The following FOCAD variants were observed in gnomAD, a reference collection of about 807,000 sequenced individuals.
The protein encoded by FOCAD is focadhesin, also known as KIAA1797.
FOCAD carries 198 observed loss-of-function variants against 225.6 expected under a neutral mutation model. That is an observed-to-expected ratio of 0.88 (90% confidence interval 0.78 to 0.99). The LOEUF (loss-of-function observed/expected upper bound fraction) is 0.99. Ranked by LOEUF, FOCAD falls within the 50% of genes least tolerant of loss-of-function variation. FOCAD has a pLI of 0.00. For missense variants in FOCAD, 2,713 were observed against 2,123.6 expected, an observed-to-expected ratio of 1.28 and a Z score of -5.46; for synonymous variants, 897 against 755.0, an observed-to-expected ratio of 1.19 and a Z score of -3.08.
intron 4 of FOCAD, among the ~76,000 whole-genome samples, chr9:20,732,911 G>C (rs1826835218): frequency 6.6e-6 from 1 of 152,176 alleles, no homozygotes; most frequent in Non-Finnish European, 1.5e-5. Flanking sequence ...AGAAGACCAG[G>C]TGTGTCGGGG....
intron 41 of FOCAD, among the ~76,000 whole-genome samples, chr9:20,989,684 A>G (rs148024787): frequency 1.3e-3 from 205 of 152,338 alleles, no homozygotes; most frequent in African/African-American, 4.8e-3. Flanking sequence ...ATGAAGAAAG[A>G]CTTGCTCAAA....
At chr9:20,917,976 T>C (rs1834012491) in intron 24 of FOCAD, among the ~76,000 whole-genome samples, 1 of 152,180 alleles carries the variant, frequency 6.6e-6, no homozygotes, top group African/African-American at 2.4e-5. Flanking sequence ...CACTGGGAAA[T>C]ATCTGTTGAT....
Position 20,735,262 on chromosome 9 carries a change from T to C in FOCAD, c.288-4974T>C, listed in dbSNP as rs557334190. Among the ~76,000 whole-genome samples the C allele has an allele frequency of 3.3e-5, 5 of 152,346 alleles. No individual in the cohort carries two copies. The South Asian group carries it at 1.0e-3, about 32-fold the overall frequency. Reference sequence around the variant, plus strand: ...TTTGTTTTCACTCTGCTAAAAACTTTCCCTACCAACTTTGCTGAAACTATC... The same window carrying C: ...TTTGTTTTCACTCTGCTAAAAACTTCCCCTACCAACTTTGCTGAAACTATC... On this transcript the variant is annotated intron_variant, in intron 4 of 43. Transcript: ENST00000338382.
intron 43 of FOCAD, among the ~76,000 whole-genome samples, chr9:20,994,228 G>A (rs1030365516): frequency 6.6e-6 from 1 of 152,096 alleles, no homozygotes; most frequent in East Asian, 1.9e-4. Context: ...CTTCTCTACC[G>A]ACTTTGTTAA....
intron 1 of FOCAD, among the ~76,000 whole-genome samples, chr9:20,688,211 A>T (rs1445265087): frequency 3.3e-5 from 5 of 152,202 alleles, no homozygotes; most frequent in Admixed American, 1.3e-4. Context: ...TTCATGAGGC[A>T]ATGTGAGGAA....
At chr9:20,825,401 G>C (rs774602164) in intron 15 of FOCAD, among the ~76,000 whole-genome samples, 2 of 151,968 alleles carry the variant, frequency 1.3e-5, no homozygotes, top group Non-Finnish European at 2.9e-5. Context: ...ATGTAGTCAA[G>C]GTTTCAAGAA....
chr9:20,777,208 A>G (rs1005807604), intron 8 of FOCAD, among the ~76,000 whole-genome samples: 1 of 151,564 alleles, frequency 6.6e-6, no homozygotes. Context: ...CTTCAAGATT[A>G]TAATTTCTGG....
chr9:20,979,973 A>C (rs1050589165), intron 37 of FOCAD, among the ~76,000 whole-genome samples: 2 of 152,140 alleles, frequency 1.3e-5, no homozygotes, highest in African/African-American at 4.8e-5. Context: ...AGGTTTTTCA[A>C]TCATCACCAA....
chr9:20,758,198 T>C lies in FOCAD; in HGVS notation c.494+7T>C, dbSNP rs369338363. On this transcript the variant is annotated splice_region_variant and intron_variant, in intron 6 of 43. Coordinates refer to ENST00000338382, the MANE Select transcript of FOCAD (RefSeq NM_001375567.1). ...TCCAGCAGTGCCCTGAAAGGTAATG[T>C]AAAATAAAAGTGTAAAATAAAGTGA... The C allele has an allele frequency of 2.2e-5, 35 of 1,603,360 alleles. No homozygotes were observed. Among genetic ancestry groups the C allele is most frequent in the Non-Finnish European group, 2.8e-5 (33 of 1,173,176 alleles).
At chr9:20,873,724 C>T (rs538645824) in intron 18 of FOCAD, 43 of 152,252 alleles carry the variant, frequency 2.8e-4, no homozygotes, top group African/African-American at 1.0e-3. Flanking sequence ...TTCTACCCCC[C>T]TGCAAGAATC....
At chr9:20,898,102 A>T (rs1303890304) in intron 21 of FOCAD, among the ~76,000 whole-genome samples, 1 of 151,838 alleles carries the variant, frequency 6.6e-6, no homozygotes, top group Non-Finnish European at 1.5e-5. Context: ...GATGGATATA[A>T]CACTTATCTT....
intron 11 of FOCAD, among the ~76,000 whole-genome samples, chr9:20,805,941 A>G (rs897436698): frequency 2.6e-5 from 4 of 152,190 alleles, no homozygotes; most frequent in African/African-American, 9.6e-5. Flanking sequence ...GAGAGATGCA[A>G]AATGCACTGT....
At chr9:20,852,115 T>C (rs145419834) in intron 15 of FOCAD, among the ~76,000 whole-genome samples, 13 of 151,924 alleles carry the variant, frequency 8.6e-5, no homozygotes, top group African/African-American at 3.1e-4. Flanking sequence ...CTGCTTTTGT[T>C]TGGGTGGAAA....
chr9:20,801,532 C>T (rs1821834794), intron 11 of FOCAD, among the ~76,000 whole-genome samples: 1 of 152,092 alleles, frequency 6.6e-6, no homozygotes, highest in African/African-American at 2.4e-5. Context: ...GTTATTGAGG[C>T]ACTCATAATG....
At chr9:20,764,832 A>C (rs1829916841) in intron 6 of FOCAD, 37 bp from the exon 7 acceptor site, 2 of 1,537,272 alleles carry the variant, frequency 1.3e-6, no homozygotes, top group African/African-American at 2.7e-5. Context: ...TAGTGTGTTT[A>C]ACTCAATAAC....
rs147846255 is a variant in FOCAD at position 20,976,492 on chromosome 9, A to G, written c.4205A>G (p.Gln1402Arg). 265 of 1,613,394 alleles carry G rather than the reference A, an allele frequency of 1.6e-4. No homozygotes were observed. Among genetic ancestry groups the G allele is most frequent in the Non-Finnish European group, 2.0e-4 (236 of 1,179,420 alleles). ...KPIATVGESY[Q>R]YPPVNWAALL... ...ATAGCAACTGTTGGAGAAAGCTACC[A>G]ATATCCTCCTGTGAACTGGGCTGCA... Residue 1402 changes from glutamine to arginine, a missense_variant, in exon 36 of 44, where the codon CAA becomes CGA. Gln to Arg is a conservative substitution (Grantham distance 43). Coordinates refer to ENST00000338382, the MANE Select transcript of FOCAD (RefSeq NM_001375567.1).
At chr9:20,692,003 GC>G (rs1823009434) in intron 1 of FOCAD, among the ~76,000 whole-genome samples, 1 of 152,048 alleles carries the variant, frequency 6.6e-6, no homozygotes, top group Non-Finnish European at 1.5e-5. Context: ...ACCCGCCTTG[GC>G]CTCCCAAAGT....
At chr9:20,863,885 G>A (rs574439195) in intron 16 of FOCAD, among the ~76,000 whole-genome samples, 5 of 152,194 alleles carry the variant, frequency 3.3e-5, no homozygotes, top group Non-Finnish European at 5.9e-5. Flanking sequence ...TTATGAATTG[G>A]CTGGTGTGTT....
chr9:20,740,968 G>A (rs1288018787), intron 5 of FOCAD, among the ~76,000 whole-genome samples: 1 of 152,164 alleles, frequency 6.6e-6, no homozygotes, highest in Non-Finnish European at 1.5e-5. Context: ...GACCCAGGAA[G>A]CCATCTCTTA....
Sources: allele counts gnomAD v4.1 joint callset (sites outside exome capture counted in the v4.1 genomes callset), GRCh38; gene constraint gnomAD v4.1.1; transcripts MANE v1.5; gene names NCBI Gene and HGNC (gene_info 2026-07-23, HGNC 2026-07-21).